The following DCLK1 variants were observed in gnomAD, a reference collection of about 807,000 sequenced individuals.
DCLK1 encodes the protein doublecortin like kinase 1, also known as serine/threonine-protein kinase DCLK1.
Under a neutral mutation model 86.2 loss-of-function variants are expected in DCLK1, and 16 were observed. The ratio of observed to expected loss-of-function variants is 0.19; its 90% CI spans 0.13 to 0.28. The LOEUF is 0.28. Among genes scored for constraint, DCLK1 ranks in the 10% least tolerant of loss-of-function variants. DCLK1 has a pLI of 1.00. For missense variants in DCLK1, 590 were observed against 940.2 expected, an observed-to-expected ratio of 0.63 and a Z score of 4.87; for synonymous variants, 369 against 370.5, an observed-to-expected ratio of 1.00 and a Z score of 0.05.
Position 35,774,464 on chromosome 13 carries a change from A to C in DCLK1, c.*71T>G. On this transcript the variant is annotated 3_prime_UTR_variant, in exon 17 of 17. Transcript: ENST00000360631. ...TAGATAGATCAGATGAAACTGTTTT[A>C]CACAAATTTGGGGGAAAAAAATCTC... 1 of 1,517,420 alleles carries C rather than the reference A, an allele frequency of 6.6e-7. No individual in the cohort carries two copies. The highest frequency in any genetic ancestry group is 2.5e-5 in the East Asian group (1 of 40,610). The allele number at this position is 1,517,420 out of a possible 1,614,324, so 94.0% of individuals were successfully genotyped here. A position where few individuals can be genotyped will look rare whatever the true frequency, so the allele number is the denominator to read the frequency against.
intron 6 of DCLK1, among the ~76,000 whole-genome samples, chr13:35,842,919 A>G (rs948413746): frequency 6.6e-6 from 1 of 152,196 alleles, no homozygotes. Flanking sequence ...TAAACCACCT[A>G]AATAGACTAA....
intron 3 of DCLK1, among the ~76,000 whole-genome samples, chr13:36,106,675 T>C (rs571694789): frequency 1.3e-5 from 2 of 152,106 alleles, no homozygotes; most frequent in Non-Finnish European, 2.9e-5. Flanking sequence ...GTTCTACTAA[T>C]AAAAAAGGAA....
intron 6 of DCLK1, chr13:35,849,891 G>T: frequency 1.0e-6 from 1 of 961,480 alleles, no homozygotes; most frequent in Non-Finnish European, 1.2e-6. Context: ...CCCAGCTTTA[G>T]TTTTTACACA....
intron 4 of DCLK1, among the ~76,000 whole-genome samples, chr13:35,919,957 G>A (rs563617332): frequency 6.6e-5 from 10 of 152,060 alleles, no homozygotes; most frequent in East Asian, 1.9e-4. Flanking sequence ...AAGTGCTTAC[G>A]ACACAGCCGG....
At chr13:36,057,050 A>T (rs1220092291) in intron 3 of DCLK1, among the ~76,000 whole-genome samples, 1 of 152,018 alleles carries the variant, frequency 6.6e-6, no homozygotes, top group East Asian at 1.9e-4. Context: ...AGGCATGCAC[A>T]TGTGAGTTTA....
At chr13:35,999,730 A>G (rs1424836628) in intron 3 of DCLK1, among the ~76,000 whole-genome samples, 3 of 152,182 alleles carry the variant, frequency 2.0e-5, no homozygotes. Flanking sequence ...CATTACTGCT[A>G]CCTGATGTCT....
At chr13:35,816,736 G>T (rs998593113) in intron 11 of DCLK1, among the ~76,000 whole-genome samples, 2 of 152,166 alleles carry the variant, frequency 1.3e-5, no homozygotes, top group African/African-American at 4.8e-5. Context: ...GCCACTACTG[G>T]TGGTCTAACC....
At chr13:36,026,612 A>G (rs1882043578) in intron 3 of DCLK1, among the ~76,000 whole-genome samples, 1 of 152,244 alleles carries the variant, frequency 6.6e-6, no homozygotes, top group South Asian at 2.1e-4. Context: ...TCGACAAAAA[A>G]TGTAAACCCC....
intron 3 of DCLK1, among the ~76,000 whole-genome samples, chr13:35,970,738 A>C (rs574097753): frequency 6.5e-4 from 99 of 152,336 alleles, no homozygotes; most frequent in African/African-American, 2.2e-3. Flanking sequence ...TGATACACAA[A>C]TTTCTATTCT....
intron 3 of DCLK1, among the ~76,000 whole-genome samples, chr13:36,052,838 A>G (rs1883174718): frequency 6.6e-6 from 1 of 152,168 alleles, no homozygotes; most frequent in Admixed American, 6.5e-5. Context: ...AGAGACGTCT[A>G]TGAACCCCTA....
intron 4 of DCLK1, among the ~76,000 whole-genome samples, chr13:35,889,285 A>G (rs575370683): frequency 6.6e-6 from 1 of 152,334 alleles, no homozygotes; most frequent in South Asian, 2.1e-4. Context: ...TTCTTTAAAA[A>G]TAATCTATCA....
At chr13:36,076,849 T>G (rs1179205462) in intron 3 of DCLK1, among the ~76,000 whole-genome samples, 1 of 152,220 alleles carries the variant, frequency 6.6e-6, no homozygotes, top group African/African-American at 2.4e-5. Flanking sequence ...AGATGGACAT[T>G]CTGTCCAAAA....
rs534275940 is a variant in DCLK1 at position 35,964,170 on chromosome 13, C to A, written c.724-16713G>T. 2.6e-5 allele frequency among the ~76,000 whole-genome samples: 4 copies of A among 152,130 alleles called. No homozygotes were observed. In the South Asian group the frequency reaches 8.3e-4, roughly 32 times the overall value. On this transcript the variant is annotated intron_variant, in intron 3 of 16. Coordinates refer to ENST00000360631, the MANE Select transcript of DCLK1 (RefSeq NM_001330071.2). The stretch of plus-strand genomic sequence containing the variant: ...TGGCAATAATCAAGAATTATTATGG[C>A]CCATTTTCTCTGCAGAACTTCTGGA...
intron 3 of DCLK1, among the ~76,000 whole-genome samples, chr13:35,973,706 AAG>A (rs1879180689): frequency 6.6e-6 from 1 of 152,186 alleles, no homozygotes; most frequent in Non-Finnish European, 1.5e-5. Flanking sequence ...AAAGGCAAAA[AAG>A]AGAGAGCTCA....
chr13:35,825,042 G>C (rs969637304), intron 10 of DCLK1, among the ~76,000 whole-genome samples: 2 of 152,178 alleles, frequency 1.3e-5, no homozygotes, highest in African/African-American at 4.8e-5. Flanking sequence ...GGCAGCCTGC[G>C]TGTGCACCGC....
intron 3 of DCLK1, among the ~76,000 whole-genome samples, chr13:36,028,163 G>A (rs370055125): frequency 1.1e-4 from 16 of 152,168 alleles, no homozygotes; most frequent in African/African-American, 2.7e-4. Context: ...TGCATTTCTT[G>A]TGGACTTAAC....
chr13:36,070,476 G>A (rs1270802610), intron 3 of DCLK1, among the ~76,000 whole-genome samples: 1 of 152,116 alleles, frequency 6.6e-6, no homozygotes, highest in East Asian at 1.9e-4. Context: ...ATTAGGTTAG[G>A]TTAGATATTT....
chr13:35,967,712 T>C (rs1410079268), intron 3 of DCLK1, among the ~76,000 whole-genome samples: 2 of 152,116 alleles, frequency 1.3e-5, no homozygotes, highest in Non-Finnish European at 2.9e-5. Context: ...GCCCTCTGCC[T>C]AGGAAAAACC....
intron 3 of DCLK1, among the ~76,000 whole-genome samples, chr13:36,057,899 C>A (rs548900020): frequency 1.3e-5 from 2 of 152,256 alleles, no homozygotes; most frequent in South Asian, 2.1e-4. Flanking sequence ...GGGACAAAGA[C>A]CACACAGAAT....
Sources: allele counts gnomAD v4.1 joint callset (sites outside exome capture counted in the v4.1 genomes callset), GRCh38; gene constraint gnomAD v4.1.1; transcripts MANE v1.5; gene names NCBI Gene and HGNC (gene_info 2026-07-23, HGNC 2026-07-21).